PDCD1LG2: variants seen among roughly 807,000 people sequenced by gnomAD.
PDCD1LG2 encodes the protein programmed cell death 1 ligand 2, also known as B7 dendritic cell molecule.
Under a neutral mutation model 28.2 loss-of-function variants are expected in PDCD1LG2, and 32 were observed. The ratio of observed to expected loss-of-function variants is 1.13; its 90% CI spans 0.86 to 1.52. PDCD1LG2 has a LOEUF of 1.52. Ranked by LOEUF, PDCD1LG2 falls within the 40% of genes most tolerant of loss-of-function variation. PDCD1LG2 has a pLI of 0.00. For missense variants in PDCD1LG2, 385 were observed against 323.8 expected, an observed-to-expected ratio of 1.19 and a Z score of -1.45; for synonymous variants, 116 against 120.2, an observed-to-expected ratio of 0.97 and a Z score of 0.23.
intron 1 of PDCD1LG2, among the ~76,000 whole-genome samples, chr9:5,515,222 T>C (rs1169941632): frequency 4.6e-5 from 7 of 152,134 alleles, no homozygotes; most frequent in Non-Finnish European, 7.4e-5. Context: ...AAGATGAAAA[T>C]GGATAGCCAC....
chr9:5,555,233 T>G (rs936260321), intron 4 of PDCD1LG2, among the ~76,000 whole-genome samples: 1 of 152,076 alleles, frequency 6.6e-6, no homozygotes, highest in Admixed American at 6.5e-5. Flanking sequence ...CTGGCTAACA[T>G]GGTGAAACCC....
At chr9:5,557,578 T>C in intron 4 of PDCD1LG2, 40 bp from the exon 5 acceptor site, 2 of 1,611,814 alleles carry the variant, frequency 1.2e-6, no homozygotes, top group Non-Finnish European at 1.7e-6. Context: ...TACCTCTTAG[T>C]TGCCATGTAA....
rs200633476 is a variant in PDCD1LG2, at chr9:5,549,404, A to T, written c.431A>T (p.Gln144Leu). ...ACAGATGAGGTAGAGCTCACCTGCC[A>T]GGCTACAGGTTATCCTCTGGCAGAA... Reference protein sequence around the residue: ...PETDEVELTCQATGYPLAEVS... With the variant: ...PETDEVELTCLATGYPLAEVS... The change falls in exon 4 of 7, where the codon CAG becomes CTG. Residue 144 changes from glutamine to leucine, a missense_variant. Transcript: ENST00000397747. 5.9e-5 allele frequency: 96 copies of T among 1,614,172 alleles called. No homozygotes were observed. In the Middle Eastern group the frequency reaches 6.6e-4, roughly 11 times the overall value.
chr9:5,548,667 C>G (rs1397349191), intron 3 of PDCD1LG2, among the ~76,000 whole-genome samples: 2 of 152,116 alleles, frequency 1.3e-5, no homozygotes, highest in Admixed American at 1.3e-4. Flanking sequence ...TGCAAAGAAG[C>G]AGGTGTGTGT....
In PDCD1LG2 at chr9:5,563,188, A is replaced by T. The variant is rs2129946920; in HGVS notation, c.793A>T (p.Thr265Ser). Residue 265 changes from threonine (T) to serine (S), a missense_variant, in exon 6 of 7, where the codon ACA becomes TCA. Thr to Ser is a moderately conservative substitution (Grantham distance 58). Transcript: ENST00000397747. ...CACAACAAAAAGACCTGTCACCACA[A>T]CAAAGAGGGAAGTGAACAGTGCTGT... ...KDTTKRPVTT[T>S]KREVNSAI The T allele has an allele frequency of 6.2e-7, 1 of 1,612,828 alleles. No individual in the cohort carries two copies. Among genetic ancestry groups the T allele is most frequent in the South Asian group, 1.1e-5 (1 of 91,020 alleles).
rs75970508 is a variant in PDCD1LG2 at position 5,549,952 on chromosome 9, T to A, written c.631+348T>A. ...ATTCTCCTCCCACCCTCCAATCTCC[T>A]GCTAGCACCTCCCATTGGCTGAACC... On this transcript the variant is annotated intron_variant, in intron 4 of 6. Coordinates refer to ENST00000397747, the MANE Select transcript of PDCD1LG2 (RefSeq NM_025239.4). 2.1e-3 allele frequency among the ~76,000 whole-genome samples: 315 copies of A among 152,288 alleles called. 6 individuals carry two copies. The highest frequency in any genetic ancestry group is 0.016 in the Admixed American group (239 of 15,296).
intron 1 of PDCD1LG2, among the ~76,000 whole-genome samples, chr9:5,511,948 G>C (rs2129667761): frequency 6.6e-6 from 1 of 152,270 alleles, no homozygotes; most frequent in African/African-American, 2.4e-5. Flanking sequence ...GTGCTTAGTG[G>C]GTGCTTGCCG....
At chr9:5,546,491 A>G (rs192977151) in intron 3 of PDCD1LG2, among the ~76,000 whole-genome samples, 2 of 152,374 alleles carry the variant, frequency 1.3e-5, no homozygotes, top group Admixed American at 1.3e-4. Context: ...CTGTTTGATT[A>G]TGAAAGATAG....
At chr9:5,550,240 C>G (rs940151648) in intron 4 of PDCD1LG2, among the ~76,000 whole-genome samples, 5 of 152,188 alleles carry the variant, frequency 3.3e-5, no homozygotes, top group African/African-American at 9.7e-5. Flanking sequence ...AGAGCCTTTA[C>G]TGACTATGCT....
At chr9:5,551,516 T>A (rs572386671) in intron 4 of PDCD1LG2, among the ~76,000 whole-genome samples, 70 of 152,338 alleles carry the variant, frequency 4.6e-4, no homozygotes, top group Non-Finnish European at 7.1e-4. Context: ...AGATGTCTAC[T>A]CAGACAAAGA....
rs56299500 is a variant in PDCD1LG2 at position 5,563,616 on chromosome 9, T to C, written c.816+405T>C. On this transcript the variant is annotated intron_variant, in intron 6 of 6. Transcript: ENST00000397747. ...GAAAAACACAAGTCTCTTCATGAGGTTGACAGGTTTGGAGCTGGAATCTGT... is the reference window on the plus strand; with the variant it reads ...GAAAAACACAAGTCTCTTCATGAGGCTGACAGGTTTGGAGCTGGAATCTGT... 1.8e-4 allele frequency among the ~76,000 whole-genome samples: 27 copies of C among 152,268 alleles called. 1 individual carries two copies. In the East Asian group the frequency reaches 5.0e-3, roughly 28 times the overall value.
intron 2 of PDCD1LG2, among the ~76,000 whole-genome samples, chr9:5,525,890 T>C (rs535980353): frequency 1.3e-5 from 2 of 151,292 alleles, no homozygotes; most frequent in African/African-American, 4.9e-5. Flanking sequence ...CTACAAAAAA[T>C]ACAAAAATTA....
At chr9:5,550,645 G>GC in intron 4 of PDCD1LG2, among the ~76,000 whole-genome samples, 1 of 151,660 alleles carries the variant, frequency 6.6e-6, no homozygotes, top group Non-Finnish European at 1.5e-5. Flanking sequence ...ATCTTCAGAG[G>GC]CAGCAACCCT....
intron 2 of PDCD1LG2, 28 bp downstream of exon 2, chr9:5,522,629 A>G: frequency 1.2e-6 from 2 of 1,608,270 alleles, no homozygotes; most frequent in Non-Finnish European, 1.7e-6. Context: ...GAGAGGCTTA[A>G]GAAAGAAGAG....
At chr9:5,528,345 A>G (rs1385770103) in intron 2 of PDCD1LG2, among the ~76,000 whole-genome samples, 1 of 151,092 alleles carries the variant, frequency 6.6e-6, no homozygotes, top group Admixed American at 6.6e-5. Flanking sequence ...TCTGTTGCCC[A>G]GATTGGAATA....
intron 1 of PDCD1LG2, among the ~76,000 whole-genome samples, chr9:5,515,181 T>C (rs1244503246): frequency 6.6e-6 from 1 of 152,246 alleles, no homozygotes; most frequent in African/African-American, 2.4e-5. Flanking sequence ...AACGTGTTGA[T>C]TTCTAGTTTC....
chr9:5,557,482 C>T, intron 4 of PDCD1LG2, 136 bp from the exon 5 acceptor site: 1 of 1,032,358 alleles, frequency 9.7e-7, no homozygotes. Context: ...GTGCAGAGCA[C>T]TTAGAATAGG....
intron 2 of PDCD1LG2, among the ~76,000 whole-genome samples, chr9:5,533,400 T>C (rs555618811): frequency 2.0e-4 from 30 of 152,250 alleles, no homozygotes; most frequent in African/African-American, 7.2e-4. Context: ...ACCCCTGTGG[T>C]AGATGAAAAA....
At chr9:5,540,282 C>A (rs546668568) in intron 3 of PDCD1LG2, among the ~76,000 whole-genome samples, 42 of 152,226 alleles carry the variant, frequency 2.8e-4, no homozygotes, top group Middle Eastern at 3.4e-3. Flanking sequence ...ATCAAAAAGT[C>A]TGAAAGAGCA....
Sources: gnomAD v4.1 joint callset for allele counts (sites outside exome capture counted in the v4.1 genomes callset) on GRCh38, gnomAD v4.1.1 for gene constraint, MANE v1.5 for transcripts, NCBI Gene and HGNC (gene_info 2026-07-23, HGNC 2026-07-21) for gene names.